The following VWF variants were observed in gnomAD, a reference collection of about 807,000 sequenced individuals.
The protein encoded by VWF is Factor VIII related antigen.
In VWF, 176 loss-of-function variants were observed where a neutral mutation model predicts 308.6. The observed-to-expected ratio is 0.57, with a 90% confidence interval of 0.50 to 0.65. VWF has a LOEUF of 0.65. Among genes scored for constraint, VWF ranks in the 30% least tolerant of loss-of-function variants. VWF has a pLI of 0.00. For missense variants in VWF, 3,146 were observed against 3,648.2 expected, an observed-to-expected ratio of 0.86 and a Z score of 3.55; for synonymous variants, 1,385 against 1,443.4, an observed-to-expected ratio of 0.96 and a Z score of 0.92.
At chr12:5,999,513 A>C (rs1166912066) in intron 34 of VWF, among the ~76,000 whole-genome samples, 1 of 148,944 alleles carries the variant, frequency 6.7e-6, no homozygotes, top group Non-Finnish European at 1.5e-5. Context: ...CCACTAAGGA[A>C]ATGACTTTTC....
chr12:6,025,891 G>A lies in VWF; in HGVS notation c.3108+15C>T. 6.2e-7 allele frequency: 1 copy of A among 1,613,910 alleles called. No homozygotes were observed. Among genetic ancestry groups the A allele is most frequent in the South Asian group, 1.1e-5 (1 of 91,080 alleles). On this transcript the variant is annotated intron_variant, in intron 23 of 51. Coordinates refer to ENST00000261405, the MANE Select transcript of VWF (RefSeq NM_000552.5). Reference sequence around the variant, plus strand: ...CAAGCTCTAGGGCTCTGTCCACACAGAGACCCAGACGTACTTTTCTGGTGT... The same window carrying A: ...CAAGCTCTAGGGCTCTGTCCACACAAAGACCCAGACGTACTTTTCTGGTGT...
chr12:6,036,218 A>C (rs964578608), intron 19 of VWF, among the ~76,000 whole-genome samples, 170 bp downstream of exon 19: 1 of 152,206 alleles, frequency 6.6e-6, no homozygotes, highest in Non-Finnish European at 1.5e-5. Context: ...GGTGATGAAA[A>C]AGATTCTCCC....
intron 6 of VWF, among the ~76,000 whole-genome samples, chr12:6,094,217 C>T (rs543886023): frequency 6.6e-6 from 1 of 152,294 alleles, no homozygotes; most frequent in South Asian, 2.1e-4. Context: ...AAATAAATGC[C>T]TACTGTTTTA....
chr12:6,006,180 A>G (rs535569697), intron 34 of VWF, among the ~76,000 whole-genome samples: 1 of 152,360 alleles, frequency 6.6e-6, no homozygotes, highest in South Asian at 2.1e-4. Context: ...ATAAGCTTAG[A>G]ATAGACTGTT....
At chr12:6,006,318 G>A (rs989083746) in intron 34 of VWF, among the ~76,000 whole-genome samples, 4 of 152,114 alleles carry the variant, frequency 2.6e-5, no homozygotes, top group African/African-American at 4.8e-5. Flanking sequence ...GAAACACAAA[G>A]AAGGGCAGTA....
intron 10 of VWF, among the ~76,000 whole-genome samples, chr12:6,070,837 T>A (rs1178943716): frequency 1.3e-5 from 2 of 152,150 alleles, no homozygotes; most frequent in African/African-American, 4.8e-5. Flanking sequence ...GGTGACCTGG[T>A]TTTCCGAGCT....
At chr12:5,954,134 T>C (rs1358993120) in intron 47 of VWF, among the ~76,000 whole-genome samples, 1 of 152,228 alleles carries the variant, frequency 6.6e-6, no homozygotes, top group East Asian at 1.9e-4. Context: ...TGAGTCTAAA[T>C]AACCATCATC....
intron 6 of VWF, among the ~76,000 whole-genome samples, chr12:6,090,152 T>C (rs1002895759): frequency 4.6e-5 from 7 of 152,140 alleles, no homozygotes; most frequent in African/African-American, 1.7e-4. Flanking sequence ...AGAGACGGGG[T>C]TTCACCATGT....
chr12:5,960,836 T>C (rs1429974629), intron 47 of VWF, among the ~76,000 whole-genome samples: 2 of 152,234 alleles, frequency 1.3e-5, no homozygotes, highest in African/African-American at 4.8e-5. Context: ...ACTTCTTCAA[T>C]ATGCTATAGG....
chr12:6,068,673 T>G (rs1216777419), intron 10 of VWF, among the ~76,000 whole-genome samples: 1 of 151,966 alleles, frequency 6.6e-6, no homozygotes, highest in Non-Finnish European at 1.5e-5. Context: ...TTGTTTTTAG[T>G]ATAGACAGGG....
Position 6,063,081 on chromosome 12 carries a change from G to C in VWF, c.1433-27C>G. The C allele has an allele frequency of 6.3e-7, 1 of 1,597,812 alleles. No homozygotes were observed. The highest frequency in any genetic ancestry group is 8.6e-7 in the Non-Finnish European group (1 of 1,167,624). ...TGGAACCCAGCAGGACAGGACTCAGGCAGAGGTGGGGAGAGGACAGGGTGG... is the reference window on the plus strand; with the variant it reads ...TGGAACCCAGCAGGACAGGACTCAGCCAGAGGTGGGGAGAGGACAGGGTGG... On this transcript the variant is annotated intron_variant, in intron 12 of 51. Coordinates refer to ENST00000261405, the MANE Select transcript of VWF (RefSeq NM_000552.5). The surrounding 1 kb of genome is among the most constrained non-coding windows in gnomAD (Gnocchi z 4.9).
intron 3 of VWF, among the ~76,000 whole-genome samples, chr12:6,112,827 G>GACACAAACACACACAC (rs1945323010): frequency 6.9e-6 from 1 of 145,070 alleles, no homozygotes; most frequent in Non-Finnish European, 1.5e-5. Context: ...CAGACACACA[G>GACACAAACACACACAC]ACACACACAC....
At chr12:6,113,516 G>A (rs11064028) in intron 3 of VWF, among the ~76,000 whole-genome samples, 4,938 of 152,106 alleles carry the variant, frequency 0.032, 263 homozygotes, top group African/African-American at 0.11. Context: ...GGATGGTCTC[G>A]ATCTCCTGAC....
chr12:5,949,405 C>T (rs777181714), intron 51 of VWF, among the ~76,000 whole-genome samples: 1 of 152,176 alleles, frequency 6.6e-6, no homozygotes, highest in Non-Finnish European at 1.5e-5. Context: ...GTAATAATAT[C>T]ATACCCACAC....
intron 6 of VWF, among the ~76,000 whole-genome samples, chr12:6,090,261 A>G (rs1482285879): frequency 6.6e-6 from 1 of 151,988 alleles, no homozygotes; most frequent in Non-Finnish European, 1.5e-5. Flanking sequence ...CCGGCCGAAA[A>G]TCTGTCCTCT....
chr12:6,124,418 T>C lies in VWF; in HGVS notation c.-1+3A>G, dbSNP rs1945465257. The C allele has an allele frequency of 1.3e-5, 2 of 152,478 alleles. No individual in the cohort carries two copies. The highest frequency in any genetic ancestry group is 2.9e-5 in the Non-Finnish European group (2 of 68,308). The allele number at this position is 152,478 out of a possible 1,614,324, so 9.4% of individuals were successfully genotyped here. A position where few individuals can be genotyped will look rare whatever the true frequency, so the allele number is the denominator to read the frequency against. ...GAGCCAGCTCTCCTTCCAAAGGCCA[T>C]ACCTTCCCCTGCAAATGAGGGCTGC... On this transcript the variant is annotated splice_donor_region_variant and intron_variant, in intron 1 of 51. Transcript: ENST00000261405.
intron 47 of VWF, among the ~76,000 whole-genome samples, chr12:5,962,830 T>C (rs1224883188): frequency 6.6e-6 from 1 of 152,218 alleles, no homozygotes; most frequent in African/African-American, 2.4e-5. Flanking sequence ...ATTACAGGCG[T>C]GAGCCAGCAC....
chr12:6,102,518 C>T lies in VWF; in HGVS notation c.533-6934G>A, dbSNP rs570809731. On this transcript the variant is annotated intron_variant, in intron 5 of 51. Transcript: ENST00000261405. ...GTGGGAGGCCGAGGCAGGCGGATCA[C>T]GAGGTCAAGAGATCCAGACCATCCT... Among the ~76,000 whole-genome samples the T allele has an allele frequency of 6.6e-5, 10 of 152,196 alleles. No individual in the cohort carries two copies. In the East Asian group the frequency reaches 1.7e-3, roughly 26 times the overall value.
rs267607338 is a variant in VWF at position 6,019,339 on chromosome 12, A to G, written c.4079T>C (p.Val1360Ala). 1.1e-5 allele frequency: 18 copies of G among 1,613,476 alleles called. No homozygotes were observed. Among genetic ancestry groups the G allele is most frequent in the South Asian group, 8.8e-5 (8 of 91,016 alleles). Residue 1360 changes from valine (V) to alanine (A), a missense_variant, in exon 28 of 52, where the codon GTC (valine) becomes GCC (alanine). Around this residue, in one of 3 missense-constraint regions of VWF, gnomAD observed 853 missense variants for 1,177.8 expected, o/e 0.72. Coordinates refer to ENST00000261405, the MANE Select transcript of VWF (RefSeq NM_000552.5). This position sits in a 1 kb window ranked among gnomAD's most constrained non-coding sequence, Gnocchi z 5.8. Reference protein sequence around the residue: ...AGSQVASTSEVLKYTLFQIFS... With the variant: ...AGSQVASTSEALKYTLFQIFS... The stretch of plus-strand genomic sequence containing the variant: ...GATTTGGAACAGTGTGTATTTCAAG[A>G]CCTCGCTGGTGGAGGCCACCTGGCT...
Sources: allele counts gnomAD v4.1 joint callset (sites outside exome capture counted in the v4.1 genomes callset), GRCh38; gene constraint gnomAD v4.1.1; regional missense constraint gnomAD v4.1.1; non-coding constraint Gnocchi (gnomAD v3.1); transcripts MANE v1.5; gene names NCBI Gene and HGNC (gene_info 2026-07-23, HGNC 2026-07-21).